Variants in SHISA9 observed in about 807,000 individuals in gnomAD.
The protein encoded by SHISA9 is shisa family member 9.
In SHISA9, 13 loss-of-function variants were observed where a neutral mutation model predicts 38.0. The observed-to-expected ratio is 0.34, with a 90% CI of 0.22 to 0.54. The LOEUF (loss-of-function observed/expected upper bound fraction) is 0.54, where lower values mean the gene tolerates loss of function less well. Ranked by LOEUF, SHISA9 falls within the 20% of genes least tolerant of loss-of-function variation. The probability of loss-of-function intolerance (pLI) is 0.91; values close to 1 mark genes in which losing one functional copy is unlikely to be tolerated. For synonymous variants in SHISA9, 275 were observed against 242.0 expected (o/e 1.14, Z -1.27); for missense variants, 538 against 575.8 (o/e 0.93, Z 0.67).
intron 2 of SHISA9, among the ~76,000 whole-genome samples, chr16:13,073,520 C>T (rs2073543337): frequency 6.6e-6 from 1 of 152,164 alleles, no homozygotes; most frequent in South Asian, 2.1e-4. Context: ...TGCAAATTCT[C>T]AGACCCCAGC....
At chr16:13,337,862 A>C in the SHISA9 span, among the ~76,000 whole-genome samples, 1 of 152,046 alleles carries the variant, frequency 6.6e-6, no homozygotes, top group Non-Finnish European at 1.5e-5. Context: ...CTGCTCTGCC[A>C]TGTAAAGATG....
At chr16:12,905,314 G>A (rs984210785) in intron 1 of SHISA9, among the ~76,000 whole-genome samples, 1 of 152,268 alleles carries the variant, frequency 6.6e-6, no homozygotes, top group East Asian at 1.9e-4. Context: ...TTGTGTCTGG[G>A]ACAGATGTTT....
intron 2 of SHISA9, among the ~76,000 whole-genome samples, chr16:13,101,769 C>G (rs1254244694): frequency 1.3e-5 from 2 of 152,190 alleles, no homozygotes; most frequent in African/African-American, 4.8e-5. Context: ...TCCCTTTTCT[C>G]CACATCCTCG....
intron 2 of SHISA9, among the ~76,000 whole-genome samples, chr16:12,973,155 T>C (rs749518541): frequency 1.3e-5 from 2 of 152,198 alleles, no homozygotes; most frequent in Non-Finnish European, 2.9e-5. Flanking sequence ...ATAGATTTTG[T>C]TAGCAAGAAT....
chr16:12,902,420 C>G lies in SHISA9; in HGVS notation c.356C>G (p.Thr119Ser), dbSNP rs1252669083. 1 of 1,551,282 alleles carries G rather than the reference C, an allele frequency of 6.4e-7. No homozygotes were observed. The highest frequency in any genetic ancestry group is 2.0e-5 in the Admixed American group (1 of 51,008). ...AAGAAGCGGCGACTGAACCAAAGCA[C>G]CTGCACCAACTACGACACGCCGCTC... ...TFKKRRLNQS[T>S]CTNYDTPLWL... Residue 119 changes from threonine (T) to serine (S), a missense_variant, in exon 1 of 5, where the codon ACC (threonine) becomes AGC (serine). This residue lies in a region of SHISA9 where 88 missense variants were observed against 109.7 expected (regional missense o/e 0.80). Transcript: ENST00000558583.
intron 2 of SHISA9, among the ~76,000 whole-genome samples, chr16:13,135,529 T>A (rs2050341245): frequency 6.6e-6 from 1 of 152,174 alleles, no homozygotes; most frequent in African/African-American, 2.4e-5. Flanking sequence ...TCCATCCAGA[T>A]CTCCTTGCTG....
intron 2 of SHISA9, among the ~76,000 whole-genome samples, chr16:13,024,761 A>G (rs2072900053): frequency 2.6e-5 from 4 of 152,176 alleles, no homozygotes; most frequent in Admixed American, 2.6e-4. Flanking sequence ...CACATACGGC[A>G]CTTTGAACAA....
chr16:12,970,440 C>CATATATATAT (rs1567357216), intron 2 of SHISA9, among the ~76,000 whole-genome samples: 1 of 34,986 alleles, frequency 2.9e-5, no homozygotes, highest in African/African-American at 1.3e-4. Context: ...TATATATATA[C>CATATATATAT]ACACATATAT....
intron 2 of SHISA9, among the ~76,000 whole-genome samples, chr16:13,165,817 C>T (rs1225450395): frequency 2.0e-5 from 3 of 152,140 alleles, no homozygotes; most frequent in Admixed American, 2.0e-4. Flanking sequence ...TTATCGAGCA[C>T]TTAAAAATGT....
chr16:13,515,896 A>G, the SHISA9 span, among the ~76,000 whole-genome samples: 2 of 152,218 alleles, frequency 1.3e-5, no homozygotes, highest in Admixed American at 1.3e-4. Flanking sequence ...CTGGCACTGA[A>G]CTTAGCATGT....
chr16:13,200,440 A>ACACACACACACACACACACACACAG (rs201359350), intron 2 of SHISA9, among the ~76,000 whole-genome samples: 1 of 150,036 alleles, frequency 6.7e-6, no homozygotes, highest in African/African-American at 2.5e-5. Context: ...ACACACACAC[A>ACACACACACACACACACACACACAG]CAGCAGCAGC....
At chr16:13,062,294 C>T (rs1315973742) in intron 2 of SHISA9, among the ~76,000 whole-genome samples, 3 of 152,110 alleles carry the variant, frequency 2.0e-5, no homozygotes, top group Admixed American at 2.0e-4. Flanking sequence ...CACCTGACTC[C>T]GTGCACACTG....
chr16:12,924,449 C>T (rs897867949), intron 2 of SHISA9, among the ~76,000 whole-genome samples: 1 of 152,184 alleles, frequency 6.6e-6, no homozygotes, highest in African/African-American at 2.4e-5. Flanking sequence ...CTAATTTCAA[C>T]TCATGTGAAG....
intron 2 of SHISA9, among the ~76,000 whole-genome samples, chr16:13,022,011 A>T (rs951080658): frequency 6.6e-6 from 1 of 152,188 alleles, no homozygotes; most frequent in African/African-American, 2.4e-5. Context: ...TGAGGTCTCG[A>T]GAGAGAATTC....
the SHISA9 span, among the ~76,000 whole-genome samples, chr16:13,249,588 C>G: frequency 2.6e-5 from 4 of 152,158 alleles, no homozygotes; most frequent in African/African-American, 9.7e-5. Context: ...GAGGCAGACA[C>G]ATAAATTACA....
the SHISA9 span, among the ~76,000 whole-genome samples, chr16:13,275,072 T>C: frequency 3.9e-5 from 6 of 152,088 alleles, no homozygotes; most frequent in Admixed American, 3.9e-4. Context: ...GACATTTGAG[T>C]GCAGCTCTAC....
At chr16:12,984,794 T>G (rs138295967) in intron 2 of SHISA9, among the ~76,000 whole-genome samples, 12 of 152,314 alleles carry the variant, frequency 7.9e-5, no homozygotes, top group Non-Finnish European at 1.5e-4. Context: ...TCTCTGTGAC[T>G]CTTTGAAGGA....
At chr16:13,434,420 T>TG in the SHISA9 span, among the ~76,000 whole-genome samples, 151 of 53,032 alleles carry the variant, frequency 2.8e-3, 4 homozygotes, top group African/African-American at 0.011. Flanking sequence ...ACAAGCTATG[T>TG]TTTTTTTTTT....
At chr16:12,977,119 T>C (rs1379621167) in intron 2 of SHISA9, among the ~76,000 whole-genome samples, 1 of 152,182 alleles carries the variant, frequency 6.6e-6, no homozygotes, top group Non-Finnish European at 1.5e-5. Flanking sequence ...TAAGAGCCAC[T>C]GTGTGACTCA....
Sources: allele counts gnomAD v4.1 joint callset (sites outside exome capture counted in the v4.1 genomes callset), GRCh38; gene constraint gnomAD v4.1.1; regional missense constraint gnomAD v4.1.1; transcripts MANE v1.5; gene names NCBI Gene and HGNC (gene_info 2026-07-23, HGNC 2026-07-21).